The following NECTIN1 variants were observed in gnomAD, a reference collection of about 807,000 sequenced individuals.
NECTIN1 encodes the protein nectin cell adhesion molecule 1.
NECTIN1 carries 23 observed loss-of-function variants against 48.0 expected under a neutral mutation model. The observed-to-expected ratio is 0.48, with a 90% CI of 0.34 to 0.68. The LOEUF (loss-of-function observed/expected upper bound fraction) is 0.68. Among genes scored for constraint, NECTIN1 ranks in the 30% least tolerant of loss-of-function variants. The pLI is 0.01. For synonymous variants in NECTIN1, 270 were observed against 288.9 expected, an observed-to-expected ratio of 0.93 and a Z score of 0.66; for missense variants, 591 against 709.9, an observed-to-expected ratio of 0.83 and a Z score of 1.90.
chr11:119,697,689 T>C (rs573268643), intron 1 of NECTIN1, among the ~76,000 whole-genome samples: 80 of 152,352 alleles, frequency 5.3e-4, no homozygotes, highest in African/African-American at 1.9e-3. Flanking sequence ...GTTGTGTAGC[T>C]AAAGGGTGGT....
At position 119,727,481 on chromosome 11, in the gene NECTIN1, C is replaced by A. The variant is rs970591264; in HGVS notation, c.79+994G>T. Among the ~76,000 whole-genome samples, 3 of 152,318 alleles carry A rather than the reference C, an allele frequency of 2.0e-5. No individual in the cohort carries two copies. In the East Asian group the frequency reaches 5.8e-4, roughly 29 times the overall value. On this transcript the variant is annotated intron_variant, in intron 1 of 5. Coordinates refer to ENST00000264025, the MANE Select transcript of NECTIN1 (RefSeq NM_002855.5). This position sits in a 1 kb window ranked among gnomAD's most constrained non-coding sequence, Gnocchi z 4.1. Reference sequence around the variant, plus strand: ...GGAACTCCCCACACCCCTTGACCCACGCTTGGTGTCCAGTCAGCCGGCGAG... The same window carrying A: ...GGAACTCCCCACACCCCTTGACCCAAGCTTGGTGTCCAGTCAGCCGGCGAG...
chr11:119,646,244 G>T (rs1360637417), intron 5 of NECTIN1, among the ~76,000 whole-genome samples: 1 of 152,228 alleles, frequency 6.6e-6, no homozygotes, highest in Non-Finnish European at 1.5e-5. Flanking sequence ...GAGGCTGGAG[G>T]CCCTGAGCTC....
chr11:119,704,392 T>C (rs1034182094), intron 1 of NECTIN1, among the ~76,000 whole-genome samples: 4 of 152,148 alleles, frequency 2.6e-5, no homozygotes, highest in Non-Finnish European at 5.9e-5. Flanking sequence ...AGCTAATTTT[T>C]ATATTTTTAG....
At chr11:119,716,864 A>G (rs1865751204) in intron 1 of NECTIN1, among the ~76,000 whole-genome samples, 1 of 152,234 alleles carries the variant, frequency 6.6e-6, no homozygotes, top group Non-Finnish European at 1.5e-5. Context: ...GCGCGCACGC[A>G]CGCACGCACA....
intron 5 of NECTIN1, among the ~76,000 whole-genome samples, chr11:119,651,331 G>A (rs1055134849): frequency 2.6e-5 from 4 of 152,130 alleles, no homozygotes; most frequent in Non-Finnish European, 5.9e-5. Flanking sequence ...TATCATGTGA[G>A]AGACCTATGG....
chr11:119,685,464 G>A (rs1435111735), intron 1 of NECTIN1, among the ~76,000 whole-genome samples: 1 of 152,224 alleles, frequency 6.6e-6, no homozygotes, highest in Non-Finnish European at 1.5e-5. Flanking sequence ...CTGCTCTGCT[G>A]CCCCGGCGTG....
At position 119,728,776 on chromosome 11, in the gene NECTIN1, G is replaced by C. The variant is rs1865965043; in HGVS notation, c.-223C>G. ...CTCAGAGGCTCGGCAGATGCCCGCCGCAAGTTGCACGAGTCATGCCCCTTC... is the reference window on the plus strand; with the variant it reads ...CTCAGAGGCTCGGCAGATGCCCGCCCCAAGTTGCACGAGTCATGCCCCTTC... On this transcript the variant is annotated 5_prime_UTR_variant, in exon 1 of 6. Transcript: ENST00000264025. 1 of 442,480 alleles carries C rather than the reference G, an allele frequency of 2.3e-6. No homozygotes were observed. Among genetic ancestry groups the C allele is most frequent in the Non-Finnish European group, 4.0e-6 (1 of 251,346 alleles). 27.4% of individuals were successfully genotyped at this position (442,480 alleles called of 1,614,324 possible).
intron 5 of NECTIN1, among the ~76,000 whole-genome samples, chr11:119,645,195 T>C (rs11217369): frequency 0.81 from 122,681 of 152,028 alleles, 52,787 homozygotes; most frequent in South Asian, 0.99. Context: ...GAAGGGCTGA[T>C]TTTACCACCC....
At chr11:119,711,198 T>C (rs571135593) in intron 1 of NECTIN1, among the ~76,000 whole-genome samples, 5 of 152,184 alleles carry the variant, frequency 3.3e-5, no homozygotes, top group Non-Finnish European at 7.4e-5. Flanking sequence ...GAGACCAGCC[T>C]GACTAACATG....
At position 119,677,689 on chromosome 11, in the gene NECTIN1, T is replaced by C; in HGVS notation, c.599A>G (p.Asn200Ser). ...GATGACCGTCACTGTGCCATTGGGG[T>C]TCCGGATCTCCTGGTACTCTGCCTC... ...KGEAEYQEIRNPNGTVTVISR... is the reference protein window; with the variant it reads ...KGEAEYQEIRSPNGTVTVISR... Residue 200 changes from asparagine to serine, a missense_variant, in exon 3 of 6, where the codon AAC (asparagine) becomes AGC (serine). Transcript: ENST00000264025. This position sits in a 1 kb window ranked among gnomAD's most constrained non-coding sequence, Gnocchi z 5.4. 6.2e-7 allele frequency: 1 copy of C among 1,613,984 alleles called. No individual in the cohort carries two copies. Among genetic ancestry groups the C allele is most frequent in the Non-Finnish European group, 8.5e-7 (1 of 1,179,988 alleles).
chr11:119,693,219 G>T (rs1865290517), intron 1 of NECTIN1, among the ~76,000 whole-genome samples: 1 of 152,186 alleles, frequency 6.6e-6, no homozygotes, highest in Non-Finnish European at 1.5e-5. Context: ...CTCGGGGTGT[G>T]TGTCTCTCTC....
At chr11:119,647,230 A>AC (rs56196129) in intron 5 of NECTIN1, among the ~76,000 whole-genome samples, 3 of 102,066 alleles carry the variant, frequency 2.9e-5, no homozygotes, top group South Asian at 3.0e-4. Context: ...TGTGACTGTG[A>AC]CCCCCTTTGG....
At chr11:119,638,294 G>T in intron 7 of NECTIN1, 1 of 1,609,992 alleles carries the variant, frequency 6.2e-7, no homozygotes, top group Non-Finnish European at 8.5e-7. Flanking sequence ...CCATGCCCCT[G>T]CTCCAGGTGG....
chr11:119,728,640 T>C lies in NECTIN1; in HGVS notation c.-87A>G, dbSNP rs1490568640. The C allele has an allele frequency of 1.8e-6, 1 of 561,064 alleles. No individual in the cohort carries two copies. The highest frequency in any genetic ancestry group is 2.4e-6 in the Non-Finnish European group (1 of 414,334). 34.8% of individuals were successfully genotyped at this position (561,064 alleles called of 1,614,324 possible). On this transcript the variant is annotated 5_prime_UTR_variant, in exon 1 of 6. Coordinates refer to ENST00000264025, the MANE Select transcript of NECTIN1 (RefSeq NM_002855.5). ...AGCCCGGAAGATGAGGGAAGATCGC[T>C]GGCGGTCGGCGGGCGCTCGAAGGAT...
chr11:119,698,902 C>T (rs1290075535), intron 1 of NECTIN1, among the ~76,000 whole-genome samples: 2 of 152,178 alleles, frequency 1.3e-5, no homozygotes, highest in Admixed American at 1.3e-4. Flanking sequence ...GGGCTCCAGG[C>T]CCTCCCCAAA....
chr11:119,718,262 C>T (rs74621549), intron 1 of NECTIN1, among the ~76,000 whole-genome samples: 37 of 152,286 alleles, frequency 2.4e-4, no homozygotes, highest in Middle Eastern at 3.4e-3. Context: ...TTTCTGCCCC[C>T]GTGATCTTCT....
intron 1 of NECTIN1, among the ~76,000 whole-genome samples, chr11:119,681,945 T>C (rs1386832612): frequency 6.6e-6 from 1 of 151,982 alleles, no homozygotes; most frequent in African/African-American, 2.4e-5. Flanking sequence ...ACCCATGGGG[T>C]GAGCATAAGG....
At chr11:119,716,796 C>T (rs1055860375) in intron 1 of NECTIN1, among the ~76,000 whole-genome samples, 4 of 152,258 alleles carry the variant, frequency 2.6e-5, no homozygotes, top group Non-Finnish European at 4.4e-5. Flanking sequence ...GGCCCCCTAC[C>T]TGTGTGTGGG....
Position 119,664,701 on chromosome 11 carries a change from A to C in NECTIN1, c.*46T>G. The stretch of plus-strand genomic sequence containing the variant: ...GGGGGTGGGCAGGGGGCGTGCGGGG[A>C]GGGGCTGGGGAGGAGCGGTCACAGA... On this transcript the variant is annotated 3_prime_UTR_variant, in exon 6 of 6. Coordinates refer to ENST00000264025, the MANE Select transcript of NECTIN1 (RefSeq NM_002855.5). 5.9e-6 allele frequency: 6 copies of C among 1,021,372 alleles called. No homozygotes were observed. Among genetic ancestry groups the C allele is most frequent in the Non-Finnish European group, 8.3e-6 (6 of 724,866 alleles). 63.3% of individuals were successfully genotyped at this position (1,021,372 alleles called of 1,614,324 possible).
Sources: allele counts gnomAD v4.1 joint callset (sites outside exome capture counted in the v4.1 genomes callset), GRCh38; gene constraint gnomAD v4.1.1; non-coding constraint Gnocchi (gnomAD v3.1); transcripts MANE v1.5; gene names NCBI Gene and HGNC (gene_info 2026-07-23, HGNC 2026-07-21).